Variants in ARHGAP39 observed in about 807,000 individuals in gnomAD.
The protein encoded by ARHGAP39 is rho GTPase-activating protein 39.
In ARHGAP39, 44 loss-of-function variants were observed where a neutral mutation model predicts 106.9. The observed-to-expected ratio is 0.41, with a 90% CI of 0.32 to 0.53. The LOEUF (loss-of-function observed/expected upper bound fraction) is 0.53. ARHGAP39 is among the 20% of genes least tolerant of loss of function. The pLI, the probability that ARHGAP39 is intolerant of heterozygous loss-of-function variation, is 0.21. For missense variants in ARHGAP39, 1,496 were observed against 1,577.3 expected, an observed-to-expected ratio of 0.95 and a Z score of 0.87; for synonymous variants, 768 against 693.2, an observed-to-expected ratio of 1.11 and a Z score of -1.69.
chr8:144,633,963 G>C (rs376600780), intron 1 of ARHGAP39, among the ~76,000 whole-genome samples: 99 of 152,390 alleles, frequency 6.5e-4, no homozygotes, highest in African/African-American at 2.3e-3. Flanking sequence ...ACAAACTGCA[G>C]AGAGGAAAAC....
chr8:144,637,711 C>G (rs1380062599), intron 1 of ARHGAP39, among the ~76,000 whole-genome samples: 2 of 148,586 alleles, frequency 1.3e-5, no homozygotes, highest in East Asian at 3.9e-4. Flanking sequence ...CTCTCTCTCT[C>G]TTTTTTTTTT....
chr8:144,586,797 C>T lies in ARHGAP39; in HGVS notation c.81-5520G>A, dbSNP rs1052935448. 1.3e-5 allele frequency among the ~76,000 whole-genome samples: 2 copies of T among 152,204 alleles called. No homozygotes were observed. The highest frequency in any genetic ancestry group is 4.8e-5 in the African/African-American group (2 of 41,448). On this transcript the variant is annotated intron_variant, in intron 2 of 11. Transcript: ENST00000377307. This position sits in a 1 kb window ranked among gnomAD's most constrained non-coding sequence, Gnocchi z 4.2. ...GGCACTGGCTGGCCTGGGCTGCTGT[C>T]GGTCTGCTCTGCAGGACAGCAGCCA...
intron 3 of ARHGAP39, 75 bp downstream of exon 3, chr8:144,580,758 GCCCCGCCCACCAC>G: frequency 5.4e-6 from 1 of 185,576 alleles, no homozygotes; most frequent in Non-Finnish European, 1.1e-5. Flanking sequence ...CTCTCACCTG[GCCCCGCCCACCAC>G]CCCCTACCTG....
intron 3 of ARHGAP39, among the ~76,000 whole-genome samples, chr8:144,561,619 CCAT>C (rs1818164812): frequency 1.3e-5 from 2 of 149,258 alleles, no homozygotes; most frequent in Non-Finnish European, 3.0e-5. Context: ...CCAGTGGTTT[CCAT>C]CGGACCCCAG....
In ARHGAP39 at chr8:144,585,930, A is replaced by T. The variant is rs1264557702; in HGVS notation, c.81-4653T>A. Among the ~76,000 whole-genome samples, 1 of 152,084 alleles carries T rather than the reference A, an allele frequency of 6.6e-6. No individual in the cohort carries two copies. The highest frequency in any genetic ancestry group is 1.5e-5 in the Non-Finnish European group (1 of 67,994). On this transcript the variant is annotated intron_variant, in intron 2 of 11. Coordinates refer to ENST00000377307, the MANE Select transcript of ARHGAP39 (RefSeq NM_025251.3). This position sits in a 1 kb window ranked among gnomAD's most constrained non-coding sequence, Gnocchi z 4.6. ...ACAGATGGGGCATCCCTGCACCCCC[A>T]TGGCTCAGCCAGGCTCTCCACTCTT...
intron 3 of ARHGAP39, 112 bp from the exon 4 acceptor site, chr8:144,555,755 C>A (rs1224857858): frequency 1.2e-5 from 11 of 899,714 alleles, no homozygotes; most frequent in African/African-American, 1.1e-4. Context: ...CTGGAAATAA[C>A]CTGGCTCCTG....
chr8:144,587,756 G>T (rs1474887165), intron 2 of ARHGAP39, among the ~76,000 whole-genome samples: 1 of 151,746 alleles, frequency 6.6e-6, no homozygotes, highest in African/African-American at 2.4e-5. Flanking sequence ...CCAGGTTCAA[G>T]TGATTTTCCT....
At chr8:144,577,354 C>T (rs1818815147) in intron 3 of ARHGAP39, among the ~76,000 whole-genome samples, 1 of 152,184 alleles carries the variant, frequency 6.6e-6, no homozygotes, top group South Asian at 2.1e-4. Flanking sequence ...ACGTGATCAT[C>T]TTAACTGATA....
chr8:144,627,760 A>AAAAAC (rs1012634925), intron 1 of ARHGAP39, among the ~76,000 whole-genome samples: 6 of 152,232 alleles, frequency 3.9e-5, no homozygotes, highest in South Asian at 2.1e-4. Context: ...CCTGTCTCAA[A>AAAAAC]AAAACAAAAC....
At chr8:144,568,958 C>T (rs1483940920) in intron 3 of ARHGAP39, among the ~76,000 whole-genome samples, 2 of 152,076 alleles carry the variant, frequency 1.3e-5, no homozygotes, top group Non-Finnish European at 2.9e-5. Flanking sequence ...TAAGCCTGAC[C>T]CTAGCCATGC....
chr8:144,537,339 CTG>C (rs1816998209), intron 7 of ARHGAP39, among the ~76,000 whole-genome samples: 1 of 152,112 alleles, frequency 6.6e-6, no homozygotes, highest in African/African-American at 2.4e-5. Context: ...GAAGACAGGA[CTG>C]AGGGGTGCTT....
At chr8:144,677,001 C>T (rs1293016475) in intron 1 of ARHGAP39, among the ~76,000 whole-genome samples, 6 of 152,256 alleles carry the variant, frequency 3.9e-5, no homozygotes, top group Non-Finnish European at 8.8e-5. Context: ...ATCTCTTGAC[C>T]TCATGATCCG....
intron 4 of ARHGAP39, among the ~76,000 whole-genome samples, chr8:144,551,604 G>A (rs994524773): frequency 4.6e-5 from 7 of 152,086 alleles, no homozygotes; most frequent in African/African-American, 1.7e-4. Context: ...GGGGTCTCTT[G>A]CCCTGCCCCA....
intron 1 of ARHGAP39, among the ~76,000 whole-genome samples, chr8:144,633,740 G>A (rs1054717026): frequency 1.3e-5 from 2 of 152,138 alleles, no homozygotes; most frequent in Non-Finnish European, 2.9e-5. Flanking sequence ...AGGCTGGAGC[G>A]CAGTGGTGAT....
intron 3 of ARHGAP39, among the ~76,000 whole-genome samples, chr8:144,568,333 CAAA>C (rs34670018): frequency 8.5e-5 from 4 of 47,292 alleles, no homozygotes; most frequent in African/African-American, 2.9e-4. Flanking sequence ...GACTCTGTCT[CAAA>C]AAAAAAAAAA....
intron 1 of ARHGAP39, among the ~76,000 whole-genome samples, chr8:144,678,537 A>C (rs1045015772): frequency 6.6e-6 from 1 of 152,206 alleles, no homozygotes; most frequent in Non-Finnish European, 1.5e-5. Flanking sequence ...CCATGACCAC[A>C]TGGCAGTTTT....
intron 1 of ARHGAP39, among the ~76,000 whole-genome samples, chr8:144,666,598 G>A (rs1419463610): frequency 6.6e-6 from 1 of 152,108 alleles, no homozygotes; most frequent in African/African-American, 2.4e-5. Flanking sequence ...TTTATGGGGG[G>A]CTTCTGCCTT....
chr8:144,575,558 T>C (rs1355636532), intron 3 of ARHGAP39, among the ~76,000 whole-genome samples: 1 of 152,100 alleles, frequency 6.6e-6, no homozygotes, highest in Non-Finnish European at 1.5e-5. Flanking sequence ...CGTCTTCCCA[T>C]TGCCACATGG....
rs567136763 is a variant in ARHGAP39 at position 144,565,316 on chromosome 8, C to T, written c.513-9673G>A. 2.9e-3 allele frequency among the ~76,000 whole-genome samples: 440 copies of T among 151,982 alleles called. 1 individual carries two copies. Among genetic ancestry groups the T allele is most frequent in the African/African-American group, 4.6e-3 (191 of 41,448 alleles). On this transcript the variant is annotated intron_variant, in intron 3 of 11. Coordinates refer to ENST00000377307, the MANE Select transcript of ARHGAP39 (RefSeq NM_025251.3). ...CAAACCCACCACTAGAAAGAAAAAACGCTTCGTGAATTTGAAAGCACAACA... is the reference window on the plus strand; with the variant it reads ...CAAACCCACCACTAGAAAGAAAAAATGCTTCGTGAATTTGAAAGCACAACA...
Sources: allele counts gnomAD v4.1 joint callset (sites outside exome capture counted in the v4.1 genomes callset), GRCh38; gene constraint gnomAD v4.1.1; non-coding constraint Gnocchi (gnomAD v3.1); transcripts MANE v1.5; gene names NCBI Gene and HGNC (gene_info 2026-07-23, HGNC 2026-07-21).